The following ITGA2 variants were observed in gnomAD, a reference collection of about 807,000 sequenced individuals.
The protein encoded by ITGA2 is integrin subunit alpha 2, also known as integrin alpha-2.
A neutral mutation model predicts 146.3 loss-of-function variants in ITGA2; 101 were observed. The ratio of observed to expected loss-of-function variants is 0.69; its 90% CI spans 0.59 to 0.81. The LOEUF (loss-of-function observed/expected upper bound fraction) is 0.81. Among genes scored for constraint, ITGA2 ranks in the 40% least tolerant of loss-of-function variants. The pLI, the probability that ITGA2 is intolerant of heterozygous loss-of-function variation, is 0.00. For missense variants in ITGA2, 1,281 were observed against 1,402.7 expected (o/e 0.91, Z 1.39); for synonymous variants, 477 against 487.1 (o/e 0.98, Z 0.27).
intron 1 of ITGA2, among the ~76,000 whole-genome samples, chr5:52,989,780 A>T (rs1740830600): frequency 6.6e-6 from 1 of 151,500 alleles, no homozygotes; most frequent in South Asian, 2.1e-4. Flanking sequence ...CTCCAAAGTC[A>T]TCTCAGTGAG....
At chr5:53,042,524 G>A (rs1303182841) in intron 3 of ITGA2, among the ~76,000 whole-genome samples, 2 of 152,082 alleles carry the variant, frequency 1.3e-5, no homozygotes, top group African/African-American at 4.8e-5. Flanking sequence ...CCTTGAATCC[G>A]AGGCTATCCA....
At chr5:53,088,581 G>A (rs1740244527) in intron 28 of ITGA2, among the ~76,000 whole-genome samples, 1 of 151,564 alleles carries the variant, frequency 6.6e-6, no homozygotes, top group East Asian at 1.9e-4. Flanking sequence ...AGCTACTCAG[G>A]AGGCTGAGGC....
intron 1 of ITGA2, among the ~76,000 whole-genome samples, chr5:52,999,683 T>C (rs1345066681): frequency 6.6e-6 from 1 of 152,148 alleles, no homozygotes; most frequent in African/African-American, 2.4e-5. Flanking sequence ...AGAAAGCCTG[T>C]TCTTTGTCCC....
In ITGA2 at chr5:53,029,551, C is replaced by T. The variant is rs558587395; in HGVS notation, c.185+2683C>T. On this transcript the variant is annotated intron_variant, in intron 2 of 29. Coordinates refer to ENST00000296585, the MANE Select transcript of ITGA2 (RefSeq NM_002203.4). ...AGTCTCAGCTCAAATGTTTCTTCCT[C>T]ATAGACCTTTCAGAGCAACCCTATC... 7.2e-5 allele frequency among the ~76,000 whole-genome samples: 11 copies of T among 152,332 alleles called. No individual in the cohort carries two copies. In the East Asian group the frequency reaches 1.7e-3, roughly 24 times the overall value.
At chr5:53,089,139 T>A (rs1167265295) in intron 28 of ITGA2, 1 of 152,132 alleles carries the variant, frequency 6.6e-6, no homozygotes, top group Non-Finnish European at 1.5e-5. Flanking sequence ...GCCCATAAAT[T>A]TATGACAAAA....
chr5:53,033,609 T>C (rs1243908865), intron 2 of ITGA2, among the ~76,000 whole-genome samples: 2 of 151,942 alleles, frequency 1.3e-5, no homozygotes, highest in African/African-American at 4.8e-5. Context: ...AATTAATTAA[T>C]TAATTTGAGA....
intron 1 of ITGA2, among the ~76,000 whole-genome samples, chr5:53,019,059 A>T (rs1445745092): frequency 6.7e-6 from 1 of 149,982 alleles, no homozygotes; most frequent in African/African-American, 2.5e-5. Flanking sequence ...GCGAGACTCC[A>T]GTCTCAAAAT....
chr5:53,027,812 T>C (rs1743026861), intron 2 of ITGA2, among the ~76,000 whole-genome samples: 1 of 152,234 alleles, frequency 6.6e-6, no homozygotes, highest in African/African-American at 2.4e-5. Context: ...CCAAGTGCAG[T>C]GGCTCACGCT....
intron 6 of ITGA2, among the ~76,000 whole-genome samples, chr5:53,049,821 A>G (rs1744269259): frequency 6.6e-6 from 1 of 151,874 alleles, no homozygotes; most frequent in Non-Finnish European, 1.5e-5. Context: ...ATTGCATCTT[A>G]TACTCTAATG....
intron 23 of ITGA2, among the ~76,000 whole-genome samples, chr5:53,076,312 C>T (rs531225035): frequency 6.6e-6 from 1 of 152,106 alleles, no homozygotes; most frequent in Non-Finnish European, 1.5e-5. Flanking sequence ...TCACTCCAGC[C>T]CCTAAGAGCA....
At position 53,067,313 on chromosome 5, in the gene ITGA2, C is replaced by T. The variant is rs538335950; in HGVS notation, c.2083+56C>T. On this transcript the variant is annotated intron_variant, in intron 16 of 29. Coordinates refer to ENST00000296585, the MANE Select transcript of ITGA2 (RefSeq NM_002203.4). ...ATTGGTTGGCTTACAGAGTTTTAGT[C>T]CTGAATATAACATATTTTGGTTTGT... 3.1e-6 allele frequency: 5 copies of T among 1,593,270 alleles called. No individual in the cohort carries two copies. The South Asian group carries it at 5.5e-5, about 18-fold the overall frequency.
At chr5:53,016,406 T>C (rs961594383) in intron 1 of ITGA2, among the ~76,000 whole-genome samples, 5 of 152,236 alleles carry the variant, frequency 3.3e-5, no homozygotes, top group Admixed American at 6.5e-5. Context: ...ATTCTGAATA[T>C]AGGCCTCAAA....
intron 1 of ITGA2, among the ~76,000 whole-genome samples, chr5:53,021,873 G>T (rs1367759553): frequency 6.6e-6 from 1 of 152,106 alleles, no homozygotes; most frequent in East Asian, 1.9e-4. Context: ...TCTTGCTTTT[G>T]GCCTTTGCTC....
At chr5:53,021,093 C>T (rs1350455833) in intron 1 of ITGA2, among the ~76,000 whole-genome samples, 2 of 151,960 alleles carry the variant, frequency 1.3e-5, no homozygotes, top group Non-Finnish European at 2.9e-5. Context: ...ATATATTTTA[C>T]CTTTTTCTTC....
At chr5:53,061,145 C>T in intron 12 of ITGA2, 99 bp downstream of exon 12, 1 of 1,145,050 alleles carries the variant, frequency 8.7e-7, no homozygotes, top group South Asian at 1.2e-5. Flanking sequence ...GCCTGAGTGC[C>T]TACTCTGTGA....
In ITGA2 at chr5:53,091,964, G is replaced by A. The variant is rs910292856; in HGVS notation, c.*1365G>A. 3 of 152,190 alleles carry A rather than the reference G, an allele frequency of 2.0e-5. No individual in the cohort carries two copies. Among genetic ancestry groups the A allele is most frequent in the African/African-American group, 4.8e-5 (2 of 41,432 alleles). The allele number at this position is 152,190 out of a possible 1,614,324, so 9.4% of individuals were successfully genotyped here. A position where few individuals can be genotyped will look rare whatever the true frequency, so the allele number is the denominator to read the frequency against. On this transcript the variant is annotated 3_prime_UTR_variant, in exon 30 of 30. Coordinates refer to ENST00000296585, the MANE Select transcript of ITGA2 (RefSeq NM_002203.4). ...GAAGTACTTAAACTTCCACAAGAGTGAATTTGACCTAGGCAAGTTTGTTCA... is the reference window on the plus strand; with the variant it reads ...GAAGTACTTAAACTTCCACAAGAGTAAATTTGACCTAGGCAAGTTTGTTCA...
Position 53,091,781 on chromosome 5 carries a change from A to C in ITGA2, c.*1182A>C, listed in dbSNP as rs535231514. On this transcript the variant is annotated 3_prime_UTR_variant, in exon 30 of 30. Coordinates refer to ENST00000296585, the MANE Select transcript of ITGA2 (RefSeq NM_002203.4). Reference sequence around the variant, plus strand: ...AGCTATTTTCATTTAGTGCTAAACAAGTAAGAAAAATAAGCTCGAGTGAAT... The same window carrying C: ...AGCTATTTTCATTTAGTGCTAAACACGTAAGAAAAATAAGCTCGAGTGAAT... 1.3e-5 allele frequency: 2 copies of C among 152,384 alleles called. No individual in the cohort carries two copies. The highest frequency in any genetic ancestry group is 4.1e-4 in the South Asian group (2 of 4,832). 9.4% of individuals were successfully genotyped at this position (152,384 alleles called of 1,614,324 possible). A position where few individuals can be genotyped will look rare whatever the true frequency, so the allele number is the denominator to read the frequency against.
intron 11 of ITGA2, 133 bp from the exon 12 acceptor site, chr5:53,060,768 T>A (rs1419291193): frequency 1.2e-6 from 1 of 819,386 alleles, no homozygotes; most frequent in Non-Finnish European, 2.1e-6. Context: ...TCCTCAGTGA[T>A]GTATTCAGGA....
chr5:53,088,108 A>G (rs1740197252), intron 28 of ITGA2, among the ~76,000 whole-genome samples: 1 of 152,222 alleles, frequency 6.6e-6, no homozygotes, highest in African/African-American at 2.4e-5. Context: ...GAGCCAAAGG[A>G]AATGCAGACT....
Sources: gnomAD v4.1 joint callset for allele counts (sites outside exome capture counted in the v4.1 genomes callset) on GRCh38, gnomAD v4.1.1 for gene constraint, MANE v1.5 for transcripts, NCBI Gene and HGNC (gene_info 2026-07-23, HGNC 2026-07-21) for gene names.